Variants in CSMD2 observed in about 807,000 individuals in gnomAD.
The protein encoded by CSMD2 is CUB and sushi domain-containing protein 2.
A neutral mutation model predicts 398.5 loss-of-function variants in CSMD2; 130 were observed. That is an observed-to-expected ratio of 0.33 (90% CI 0.28 to 0.38). CSMD2 has a LOEUF of 0.38. CSMD2 is among the 10% of genes least tolerant of loss of function. The probability of loss-of-function intolerance (pLI) is 1.00; values close to 1 mark genes in which losing one functional copy is unlikely to be tolerated. For synonymous variants in CSMD2, 1,828 were observed against 1,908.5 expected, an observed-to-expected ratio of 0.96 and a Z score of 1.10; for missense variants, 3,829 against 4,764.9, an observed-to-expected ratio of 0.80 and a Z score of 5.78.
chr1:34,030,810 CAT>C (rs1340210034), intron 3 of CSMD2, among the ~76,000 whole-genome samples: 1 of 152,160 alleles, frequency 6.6e-6, no homozygotes, highest in Non-Finnish European at 1.5e-5. Context: ...CCAGTTCCCC[CAT>C]GTGTCAGTCA....
intron 41 of CSMD2, among the ~76,000 whole-genome samples, chr1:33,609,090 C>T (rs1051705193): frequency 1.4e-4 from 22 of 152,234 alleles, no homozygotes; most frequent in Non-Finnish European, 1.5e-4. Context: ...AGCCTGCACA[C>T]ACCTTCCCTG....
At chr1:33,609,760 C>T (rs577116625) in intron 41 of CSMD2, among the ~76,000 whole-genome samples, 3 of 151,940 alleles carry the variant, frequency 2.0e-5, no homozygotes, top group South Asian at 2.1e-4. Flanking sequence ...CCGAGAAAAG[C>T]GGGGAATACA....
At chr1:33,614,435 C>T (rs990590883) in intron 40 of CSMD2, 69 bp downstream of exon 40, 20 of 881,698 alleles carry the variant, frequency 2.3e-5, no homozygotes, top group Admixed American at 5.7e-5. Context: ...GAGATTTTGG[C>T]GGACAGTAGT....
At chr1:33,923,565 G>A (rs1392803045) in intron 4 of CSMD2, among the ~76,000 whole-genome samples, 1 of 152,182 alleles carries the variant, frequency 6.6e-6, no homozygotes, top group African/African-American at 2.4e-5. Flanking sequence ...GCCTAACACA[G>A]TAGGTGTAAT....
At chr1:33,963,760 T>C (rs919919930) in intron 3 of CSMD2, among the ~76,000 whole-genome samples, 3 of 152,274 alleles carry the variant, frequency 2.0e-5, no homozygotes, top group Non-Finnish European at 4.4e-5. Context: ...TATTGCTGCA[T>C]AGTATTCCAC....
At chr1:34,108,705 G>C (rs1660759452) in intron 1 of CSMD2, among the ~76,000 whole-genome samples, 1 of 152,094 alleles carries the variant, frequency 6.6e-6, no homozygotes, top group Non-Finnish European at 1.5e-5. Context: ...GCTGAAGAGG[G>C]AAAGGGGTGA....
intron 1 of CSMD2, among the ~76,000 whole-genome samples, chr1:34,118,026 C>T (rs1305286189): frequency 6.6e-6 from 1 of 152,106 alleles, no homozygotes; most frequent in African/African-American, 2.4e-5. Flanking sequence ...CCAGCCTAAT[C>T]AACTTGGTGA....
chr1:33,895,931 TGACC>T (rs1642357400), intron 5 of CSMD2, among the ~76,000 whole-genome samples: 2 of 152,230 alleles, frequency 1.3e-5, no homozygotes, highest in South Asian at 4.1e-4. Context: ...GCTGGCACCT[TGACC>T]CAGTCCCTGA....
intron 50 of CSMD2, among the ~76,000 whole-genome samples, chr1:33,571,967 T>C (rs1417817301): frequency 1.3e-5 from 2 of 152,196 alleles, no homozygotes; most frequent in African/African-American, 2.4e-5. Flanking sequence ...TCAGTCAAGG[T>C]TGACTATTGA....
intron 5 of CSMD2, among the ~76,000 whole-genome samples, chr1:33,875,030 T>A (rs116319939): frequency 6.6e-6 from 1 of 152,002 alleles, no homozygotes; most frequent in African/African-American, 2.4e-5. Context: ...TGCCAGGAAG[T>A]GGGAAAGGGC....
intron 13 of CSMD2, among the ~76,000 whole-genome samples, chr1:33,764,545 T>C (rs75202592): frequency 0.028 from 4,294 of 152,284 alleles, 68 homozygotes; most frequent in African/African-American, 0.037. Flanking sequence ...ACCTGGGACT[T>C]CCTAAGTTCC....
chr1:33,877,559 C>T (rs1640924891), intron 5 of CSMD2, among the ~76,000 whole-genome samples: 1 of 152,140 alleles, frequency 6.6e-6, no homozygotes, highest in African/African-American at 2.4e-5. Context: ...TTAGAGGATT[C>T]ATAATAATCA....
At chr1:33,987,824 CCT>C (rs1381312342) in intron 3 of CSMD2, among the ~76,000 whole-genome samples, 1 of 152,190 alleles carries the variant, frequency 6.6e-6, no homozygotes, top group Non-Finnish European at 1.5e-5. Context: ...CCACCATGCC[CCT>C]GTGTTCAAGT....
Position 33,739,314 on chromosome 1 carries a change from G to A in CSMD2, c.2194C>T (p.Pro732Ser). 6.2e-7 allele frequency: 1 copy of A among 1,613,506 alleles called. No individual in the cohort carries two copies. The highest frequency in any genetic ancestry group is 8.5e-7 in the Non-Finnish European group (1 of 1,179,666). Residue 732 changes from proline (P) to serine (S), a missense_variant, in exon 15 of 71, where the codon CCG becomes TCG. Pro to Ser is a moderately conservative substitution (Grantham distance 74). Transcript: ENST00000373381. ...TFTTFRHNECPDPGVPVNGKR... is the reference protein window; with the variant it reads ...TFTTFRHNECSDPGVPVNGKR... ...CCATTTACTGGAACGCCAGGATCCG[G>A]GCACTCGTTGTGTCGGAAGGCTGTG...
intron 25 of CSMD2, among the ~76,000 whole-genome samples, chr1:33,688,427 T>C (rs1645126576): frequency 6.6e-6 from 1 of 152,216 alleles, no homozygotes; most frequent in African/African-American, 2.4e-5. Context: ...CAGACATTAA[T>C]AGTTATTTTA....
intron 10 of CSMD2, among the ~76,000 whole-genome samples, chr1:33,804,150 C>A (rs1655947461): frequency 6.6e-6 from 1 of 152,234 alleles, no homozygotes; most frequent in African/African-American, 2.4e-5. Context: ...ATATAGACAG[C>A]TTAGCTTAGA....
intron 1 of CSMD2, among the ~76,000 whole-genome samples, chr1:34,110,955 T>C (rs1201225856): frequency 6.6e-6 from 1 of 152,212 alleles, no homozygotes. Context: ...CTTCCATCGC[T>C]GGCACCTCCA....
At chr1:34,087,116 G>A (rs184332615) in intron 2 of CSMD2, among the ~76,000 whole-genome samples, 10 of 152,024 alleles carry the variant, frequency 6.6e-5, no homozygotes, top group East Asian at 3.9e-4. Flanking sequence ...TCCTCCAAAC[G>A]GTGGCCCTGT....
At chr1:33,888,028 T>C (rs544240283) in intron 5 of CSMD2, among the ~76,000 whole-genome samples, 174 of 151,984 alleles carry the variant, frequency 1.1e-3, no homozygotes, top group Non-Finnish European at 2.1e-3. Context: ...CAATAAAAAC[T>C]ATAAAAGGAC....
Sources: allele counts gnomAD v4.1 joint callset (sites outside exome capture counted in the v4.1 genomes callset), GRCh38; gene constraint gnomAD v4.1.1; transcripts MANE v1.5; gene names NCBI Gene and HGNC (gene_info 2026-07-23, HGNC 2026-07-21).